The following COLEC10 variants were observed in gnomAD, a reference collection of about 807,000 sequenced individuals.
COLEC10 encodes the protein collectin-10.
COLEC10 carries 22 observed loss-of-function variants against 28.4 expected under a neutral mutation model. The observed-to-expected ratio is 0.78, with a 90% CI of 0.55 to 1.11. The LOEUF is 1.11. Ranked by LOEUF, COLEC10 falls within the 50% of genes least tolerant of loss-of-function variation. COLEC10 has a pLI of 0.00. For missense variants in COLEC10, 361 were observed against 344.1 expected, an observed-to-expected ratio of 1.05 and a Z score of -0.39; for synonymous variants, 125 against 116.1, an observed-to-expected ratio of 1.08 and a Z score of -0.49.
chr8:119,036,942 G>A (rs1364527301), intron 2 of COLEC10, among the ~76,000 whole-genome samples: 1 of 152,180 alleles, frequency 6.6e-6, no homozygotes, highest in African/African-American at 2.4e-5. Flanking sequence ...AGAGGGCTCA[G>A]ACATCAATGT....
In COLEC10 at chr8:119,059,193, GA is replaced by G. The variant is rs1448677688; in HGVS notation, n.236-30485del. Among the ~76,000 whole-genome samples the G allele has an allele frequency of 5.3e-5, 8 of 151,982 alleles. No homozygotes were observed. The East Asian group carries it at 1.6e-3, about 29-fold the overall frequency. ...GTTTACTTTCTTAATGGTATTTTTT[GA>G]AGCACAAATGCTTTAAATTTTGATG... On this transcript the variant is annotated intron_variant and non_coding_transcript_variant, in intron 2 of 6. Transcript: ENST00000521788.
chr8:119,069,621 AAAAAAAAAATATATATATATATAT>A (rs60241301), intron 1 of COLEC10, among the ~76,000 whole-genome samples: 2,172 of 61,714 alleles, frequency 0.035, 134 homozygotes, highest in Admixed American at 0.051. Flanking sequence ...AAAAAAAAAA[AAAAAAAAAATATATATATATATAT>A]ATATATATAT....
intron 1 of COLEC10, among the ~76,000 whole-genome samples, chr8:119,069,658 A>G (rs183621145): frequency 6.2e-4 from 76 of 122,750 alleles, no homozygotes; most frequent in Non-Finnish European, 1.0e-3. Context: ...ATATATATAT[A>G]TATGTAAACT....
intron 2 of COLEC10, among the ~76,000 whole-genome samples, chr8:119,049,265 A>G (rs536884082): frequency 1.8e-4 from 28 of 152,010 alleles, no homozygotes; most frequent in Admixed American, 5.2e-4. Context: ...CTGCCTTTAC[A>G]TTGGTTTTTA....
chr8:118,971,924 G>C, the COLEC10 span, among the ~76,000 whole-genome samples: 1 of 151,920 alleles, frequency 6.6e-6, no homozygotes, highest in African/African-American at 2.4e-5. Context: ...TGACAGCTCT[G>C]TGCCACACTC....
chr8:119,017,412 G>A (rs984210874), intron 2 of COLEC10, among the ~76,000 whole-genome samples: 2 of 152,172 alleles, frequency 1.3e-5, no homozygotes, highest in African/African-American at 4.8e-5. Context: ...TGCATTTTTA[G>A]AGAGCCAGAT....
chr8:119,003,339 T>C (rs1388178735), intron 1 of COLEC10, among the ~76,000 whole-genome samples: 1 of 152,074 alleles, frequency 6.6e-6, no homozygotes, highest in African/African-American at 2.4e-5. Flanking sequence ...TATGCCAAGT[T>C]CTAGTTTGCC....
intron 1 of COLEC10, among the ~76,000 whole-genome samples, chr8:119,078,017 AC>A (rs1815288573): frequency 6.6e-6 from 1 of 152,126 alleles, no homozygotes; most frequent in Admixed American, 6.5e-5. Context: ...ATAGTGTCAC[AC>A]TCTTTCAAAT....
At chr8:119,002,561 T>C (rs1040082912) in intron 1 of COLEC10, among the ~76,000 whole-genome samples, 2 of 152,254 alleles carry the variant, frequency 1.3e-5, no homozygotes, top group Middle Eastern at 3.4e-3. Flanking sequence ...TTACAACCAA[T>C]TACTTAATGA....
At chr8:119,071,799 T>C (rs1430149334) in intron 1 of COLEC10, among the ~76,000 whole-genome samples, 2 of 152,212 alleles carry the variant, frequency 1.3e-5, no homozygotes, top group African/African-American at 4.8e-5. Flanking sequence ...TTTGATTAAA[T>C]GAATCTACCC....
chr8:119,022,582 G>GT (rs1019314659), intron 2 of COLEC10, among the ~76,000 whole-genome samples: 74 of 151,996 alleles, frequency 4.9e-4, no homozygotes, highest in African/African-American at 1.7e-3. Context: ...ATTTTGACCT[G>GT]TTTTTTTCAA....
chr8:118,965,201 C>G, the COLEC10 span, among the ~76,000 whole-genome samples: 486 of 151,664 alleles, frequency 3.2e-3, 2 homozygotes, highest in African/African-American at 0.011. Context: ...GGGAAATTCT[C>G]TGTATTATAA....
intron 2 of COLEC10, among the ~76,000 whole-genome samples, chr8:119,035,165 T>G (rs558550397): frequency 6.6e-6 from 1 of 152,232 alleles, no homozygotes; most frequent in Non-Finnish European, 1.5e-5. Context: ...GCAATATGTT[T>G]GTGCACTAAA....
the COLEC10 span, among the ~76,000 whole-genome samples, chr8:118,972,379 G>A: frequency 6.6e-6 from 1 of 152,038 alleles, no homozygotes; most frequent in South Asian, 2.1e-4. Context: ...AGGGCTGTGG[G>A]TACCTGCTCT....
chr8:119,044,679 A>T (rs1814557054), intron 2 of COLEC10, among the ~76,000 whole-genome samples: 1 of 151,890 alleles, frequency 6.6e-6, no homozygotes, highest in Admixed American at 6.6e-5. Context: ...ACATGATGAA[A>T]CCTCATCTGT....
At chr8:119,070,487 C>G (rs1363938606) in intron 1 of COLEC10, among the ~76,000 whole-genome samples, 1 of 98,796 alleles carries the variant, frequency 1.0e-5, no homozygotes, top group Non-Finnish European at 2.1e-5. Context: ...CCTTCCCCCT[C>G]CTTCCCTCCC....
chr8:119,036,765 A>G (rs1049838244), intron 2 of COLEC10, among the ~76,000 whole-genome samples: 4 of 152,220 alleles, frequency 2.6e-5, no homozygotes, highest in Non-Finnish European at 5.9e-5. Flanking sequence ...AAAAAGATGC[A>G]GGCAGACACA....
intron 3 of COLEC10, among the ~76,000 whole-genome samples, chr8:119,096,350 G>C (rs1336832831): frequency 1.3e-5 from 2 of 152,192 alleles, no homozygotes; most frequent in Non-Finnish European, 2.9e-5. Flanking sequence ...CCAGCACTTT[G>C]GGAAGCCAAG....
intron 2 of COLEC10, among the ~76,000 whole-genome samples, chr8:119,031,068 C>T (rs954247516): frequency 6.6e-6 from 1 of 152,170 alleles, no homozygotes; most frequent in African/African-American, 2.4e-5. Flanking sequence ...CCAGATTAAA[C>T]GTCTCTGGAA....
Sources: allele counts gnomAD v4.1 joint callset (sites outside exome capture counted in the v4.1 genomes callset), GRCh38; gene constraint gnomAD v4.1.1; transcripts MANE v1.5; gene names NCBI Gene and HGNC (gene_info 2026-07-23, HGNC 2026-07-21).